Variants in PDHX observed in about 807,000 individuals in gnomAD.
PDHX encodes pyruvate dehydrogenase protein X component, mitochondrial.
In PDHX, 33 loss-of-function variants were observed where a neutral mutation model predicts 55.3. The ratio of observed to expected loss-of-function variants is 0.60; its 90% CI spans 0.45 to 0.80. PDHX has a LOEUF of 0.80. Ranked by LOEUF, PDHX falls within the 30% of genes least tolerant of loss-of-function variation. The probability of loss-of-function intolerance (pLI) is 0.00; values close to 1 mark genes in which losing one functional copy is unlikely to be tolerated. For synonymous variants in PDHX, 226 were observed against 219.4 expected (o/e 1.03, Z -0.27); for missense variants, 622 against 619.9 (o/e 1.00, Z -0.04).
intron 8 of PDHX, among the ~76,000 whole-genome samples, chr11:34,980,637 T>C (rs925741898): frequency 2.0e-5 from 3 of 152,132 alleles, no homozygotes; most frequent in Non-Finnish European, 4.4e-5. Flanking sequence ...CATAATGATA[T>C]TGTTGAATGA....
chr11:34,943,952 A>T (rs1418038430), intron 2 of PDHX, among the ~76,000 whole-genome samples: 2 of 151,990 alleles, frequency 1.3e-5, no homozygotes, highest in Admixed American at 1.3e-4. Flanking sequence ...TTGTCAATGG[A>T]TATTAAGCAA....
intron 2 of PDHX, among the ~76,000 whole-genome samples, chr11:34,943,386 T>C (rs900120974): frequency 2.0e-5 from 3 of 152,186 alleles, no homozygotes; most frequent in Non-Finnish European, 4.4e-5. Context: ...ATTTGAATAC[T>C]GATGAACACA....
intron 3 of PDHX, among the ~76,000 whole-genome samples, chr11:34,956,163 G>T (rs1030863801): frequency 6.6e-6 from 1 of 151,734 alleles, no homozygotes; most frequent in South Asian, 2.1e-4. Flanking sequence ...TCCATAGCTT[G>T]TAATTCATTA....
At chr11:34,928,241 C>T (rs1854069065) in intron 1 of PDHX, among the ~76,000 whole-genome samples, 3 of 152,026 alleles carry the variant, frequency 2.0e-5, no homozygotes, top group African/African-American at 7.2e-5. Context: ...GCTATAGAAG[C>T]ATTGAGGTCC....
intron 1 of PDHX, among the ~76,000 whole-genome samples, chr11:34,923,157 A>G (rs1209222228): frequency 6.6e-6 from 1 of 151,062 alleles, no homozygotes; most frequent in African/African-American, 2.4e-5. Context: ...TAGAAGTATA[A>G]TAATATAGAA....
chr11:34,943,669 G>A (rs1328363523), intron 2 of PDHX, among the ~76,000 whole-genome samples: 1 of 152,066 alleles, frequency 6.6e-6, no homozygotes, highest in African/African-American at 2.4e-5. Flanking sequence ...TATCTTACCA[G>A]CCTAATCTCT....
At chr11:34,973,330 T>C (rs1490811898) in intron 7 of PDHX, among the ~76,000 whole-genome samples, 1 of 152,212 alleles carries the variant, frequency 6.6e-6, no homozygotes, top group East Asian at 1.9e-4. Flanking sequence ...TAAGTAGGTT[T>C]CTTGAAGGCA....
chr11:34,985,131 C>T (rs1481184683), intron 9 of PDHX, among the ~76,000 whole-genome samples: 1 of 152,146 alleles, frequency 6.6e-6, no homozygotes, highest in African/African-American at 2.4e-5. Context: ...TACTTCTTCT[C>T]TAAAATTGAG....
intron 2 of PDHX, among the ~76,000 whole-genome samples, chr11:34,934,017 T>C (rs1239485870): frequency 6.6e-6 from 1 of 152,336 alleles, no homozygotes; most frequent in East Asian, 1.9e-4. Context: ...CAAGCATTTT[T>C]CTCTACCTCT....
chr11:34,937,210 T>C (rs1265946038), intron 2 of PDHX, among the ~76,000 whole-genome samples: 1 of 152,214 alleles, frequency 6.6e-6, no homozygotes, highest in Non-Finnish European at 1.5e-5. Flanking sequence ...CTTTTCCTGC[T>C]CTCATTTGAA....
intron 1 of PDHX, among the ~76,000 whole-genome samples, chr11:34,922,088 A>G (rs1853894947): frequency 1.3e-5 from 2 of 152,208 alleles, no homozygotes; most frequent in African/African-American, 2.4e-5. Flanking sequence ...TTGCAGAACA[A>G]GAAACATCTT....
At chr11:34,937,580 T>A (rs1854364020) in intron 2 of PDHX, among the ~76,000 whole-genome samples, 1 of 152,016 alleles carries the variant, frequency 6.6e-6, no homozygotes, top group Non-Finnish European at 1.5e-5. Context: ...GATAACTGAT[T>A]ATAGGAGTTG....
chr11:34,967,618 C>T (rs1855165178), intron 6 of PDHX, among the ~76,000 whole-genome samples: 1 of 152,130 alleles, frequency 6.6e-6, no homozygotes, highest in South Asian at 2.1e-4. Flanking sequence ...CTCCATTTTG[C>T]CTCTCTGTGC....
intron 7 of PDHX, among the ~76,000 whole-genome samples, chr11:34,974,879 G>C (rs977213496): frequency 6.6e-6 from 1 of 152,164 alleles, no homozygotes; most frequent in African/African-American, 2.4e-5. Flanking sequence ...CTTAATTCCA[G>C]CCTGGCTCAT....
intron 7 of PDHX, among the ~76,000 whole-genome samples, chr11:34,972,332 A>G (rs1228653476): frequency 6.6e-6 from 1 of 151,736 alleles, no homozygotes; most frequent in East Asian, 1.9e-4. Flanking sequence ...ATTTTTTAAT[A>G]TAAGCATATA....
Position 34,995,232 on chromosome 11 carries a change from C to T in PDHX, c.*60C>T. ...TGATTCAGTAGTTGTTACCAAGAAACATATGTTATAGGAAAACAACTTGGT... is the reference window on the plus strand; with the variant it reads ...TGATTCAGTAGTTGTTACCAAGAAATATATGTTATAGGAAAACAACTTGGT... On this transcript the variant is annotated 3_prime_UTR_variant, in exon 11 of 11. Transcript: ENST00000227868. 1.3e-6 allele frequency: 2 copies of T among 1,567,010 alleles called. No homozygotes were observed. The highest frequency in any genetic ancestry group is 1.8e-6 in the Non-Finnish European group (2 of 1,139,254).
intron 3 of PDHX, among the ~76,000 whole-genome samples, chr11:34,953,692 A>G (rs1854835318): frequency 6.6e-6 from 1 of 152,232 alleles, no homozygotes; most frequent in Non-Finnish European, 1.5e-5. Context: ...TTGATTTGGT[A>G]GCGATTATAT....
At chr11:34,928,009 G>A (rs1248319611) in intron 1 of PDHX, among the ~76,000 whole-genome samples, 3 of 152,090 alleles carry the variant, frequency 2.0e-5, no homozygotes, top group Non-Finnish European at 4.4e-5. Flanking sequence ...GGTTCTTGAT[G>A]TGGTAACTTG....
intron 7 of PDHX, among the ~76,000 whole-genome samples, chr11:34,974,390 A>C (rs949941899): frequency 6.6e-6 from 1 of 152,048 alleles, no homozygotes; most frequent in South Asian, 2.1e-4. Context: ...TATCTACCCT[A>C]CTTTGTTAAT....
Sources: allele counts gnomAD v4.1 joint callset (sites outside exome capture counted in the v4.1 genomes callset), GRCh38; gene constraint gnomAD v4.1.1; transcripts MANE v1.5; gene names NCBI Gene and HGNC (gene_info 2026-07-23, HGNC 2026-07-21).